DHX15: variants seen among roughly 807,000 people sequenced by gnomAD.
The protein encoded by DHX15 is ATP-dependent RNA helicase DHX15.
In DHX15, 11 loss-of-function variants were observed where a neutral mutation model predicts 94.4. The ratio of observed to expected loss-of-function variants is 0.12; its 90% confidence interval spans 0.07 to 0.19. The LOEUF (loss-of-function observed/expected upper bound fraction) is 0.19. Ranked by LOEUF, DHX15 falls within the 10% of genes least tolerant of loss-of-function variation. The pLI is 1.00. For missense variants in DHX15, 304 were observed against 988.5 expected (o/e 0.31, Z 9.29); for synonymous variants, 338 against 329.9 (o/e 1.02, Z -0.27).
At chr4:24,583,306 TAAGGA>T (rs988073862) in intron 1 of DHX15, among the ~76,000 whole-genome samples, 6 of 152,182 alleles carry the variant, frequency 3.9e-5, no homozygotes, top group African/African-American at 1.2e-4. Flanking sequence ...TCTGTACCTT[TAAGGA>T]AAGGAATCTG....
intron 1 of DHX15, among the ~76,000 whole-genome samples, chr4:24,582,992 G>A (rs1418806865): frequency 6.6e-6 from 1 of 152,056 alleles, no homozygotes; most frequent in Admixed American, 6.5e-5. Flanking sequence ...ATATGGCAAA[G>A]CCTCAAAAAG....
chr4:24,576,555 T>C lies in DHX15; in HGVS notation c.195A>G (p.Thr65=), dbSNP rs745729038. 8 of 1,614,178 alleles carry C rather than the reference T, an allele frequency of 5.0e-6. No homozygotes were observed. In the South Asian group the frequency reaches 8.8e-5, roughly 18 times the overall value. ...ATCCAGCACTGATAAGCATAGCATT[T>C]GTTGAAGCTCGCAACTCCTTCTCCT... The part of the protein sequence containing the change: ...KEKEKELRAS[T]NAMLISAGLP... The change falls in exon 2 of 14, where the codon ACA becomes ACG. Residue 65 remains threonine, a synonymous_variant. Coordinates refer to ENST00000336812, the MANE Select transcript of DHX15 (RefSeq NM_001358.3).
At chr4:24,564,066 C>CA (rs56255704) in intron 3 of DHX15, among the ~76,000 whole-genome samples, 20 of 74,706 alleles carry the variant, frequency 2.7e-4, no homozygotes, top group African/African-American at 9.0e-4. Flanking sequence ...GACTCCGTCT[C>CA]AAAAAAAAAA....
intron 5 of DHX15, among the ~76,000 whole-genome samples, chr4:24,551,654 T>G (rs1721607471): frequency 6.6e-6 from 1 of 152,196 alleles, no homozygotes; most frequent in African/African-American, 2.4e-5. Flanking sequence ...TTTCAAATGT[T>G]GTATCTAGAT....
chr4:24,576,188 C>T lies in DHX15; in HGVS notation c.507+55G>A, dbSNP rs1276795894. On this transcript the variant is annotated intron_variant, in intron 2 of 13. Coordinates refer to ENST00000336812, the MANE Select transcript of DHX15 (RefSeq NM_001358.3). ...ATGACCACCAGAATCAAATATGCAA[C>T]ATTTGGTAAACTTAAACATAAATGA... 2.8e-5 allele frequency: 40 copies of T among 1,413,240 alleles called. No individual in the cohort carries two copies. In the East Asian group the frequency reaches 8.0e-4, roughly 28 times the overall value. 87.5% of individuals were successfully genotyped at this position (1,413,240 alleles called of 1,614,324 possible). A position where few individuals can be genotyped will look rare whatever the true frequency, so the allele number is the denominator to read the frequency against.
intron 5 of DHX15, among the ~76,000 whole-genome samples, chr4:24,552,900 T>A (rs1560768040): frequency 6.6e-6 from 1 of 152,202 alleles, no homozygotes; most frequent in African/African-American, 2.4e-5. Flanking sequence ...TCACAGAAAA[T>A]ACCGCACAAA....
At chr4:24,562,423 C>T (rs1273885271) in intron 3 of DHX15, among the ~76,000 whole-genome samples, 1 of 152,130 alleles carries the variant, frequency 6.6e-6, no homozygotes, top group East Asian at 1.9e-4. Flanking sequence ...TACATACTTG[C>T]TGCAAGACAA....
At chr4:24,538,066 A>T (rs1432120311) in intron 10 of DHX15, 1 of 152,228 alleles carries the variant, frequency 6.6e-6, no homozygotes, top group African/African-American at 2.4e-5. Context: ...TTAAATTGTT[A>T]CAAAGCATGT....
chr4:24,584,306 C>A lies in DHX15; in HGVS notation c.71+17G>T, dbSNP rs1356339357. 1.4e-5 allele frequency: 22 copies of A among 1,607,516 alleles called. No individual in the cohort carries two copies. Among genetic ancestry groups the A allele is most frequent in the Non-Finnish European group, 1.9e-5 (22 of 1,178,004 alleles). ...ACAAAGCCCGAGCTGCCGCCTCGCGCCCCCGGCCTGGCTTACCCATCGGTC... is the reference window on the plus strand; with the variant it reads ...ACAAAGCCCGAGCTGCCGCCTCGCGACCCCGGCCTGGCTTACCCATCGGTC... On this transcript the variant is annotated intron_variant, in intron 1 of 13. Coordinates refer to ENST00000336812, the MANE Select transcript of DHX15 (RefSeq NM_001358.3).
chr4:24,539,515 C>T (rs763874081), intron 10 of DHX15, among the ~76,000 whole-genome samples: 8 of 151,990 alleles, frequency 5.3e-5, no homozygotes, highest in South Asian at 4.1e-4. Context: ...ACAAAATTAG[C>T]GATTTTATAT....
chr4:24,574,040 A>AT (rs1722182070), intron 2 of DHX15, among the ~76,000 whole-genome samples: 1 of 105,904 alleles, frequency 9.4e-6, no homozygotes, highest in Non-Finnish European at 2.1e-5. Context: ...TATTAAAAAT[A>AT]CAAAAAAAAA....
At chr4:24,584,114 G>A (rs1329340894) in intron 1 of DHX15, 11 of 579,756 alleles carry the variant, frequency 1.9e-5, no homozygotes, top group African/African-American at 4.0e-5. Context: ...GGACTGGGCT[G>A]GGCAGCGGCC....
intron 5 of DHX15, among the ~76,000 whole-genome samples, chr4:24,549,261 C>G (rs1280642941): frequency 6.6e-6 from 1 of 152,172 alleles, no homozygotes; most frequent in Non-Finnish European, 1.5e-5. Flanking sequence ...GCATTCCACA[C>G]CCCTTTTCTT....
At position 24,537,030 on chromosome 4, in the gene DHX15, T is replaced by C. The variant is rs1343554592; in HGVS notation, c.1909+21A>G. 2 of 1,609,370 alleles carry C rather than the reference T, an allele frequency of 1.2e-6. No homozygotes were observed. The highest frequency in any genetic ancestry group is 1.7e-5 in the Admixed American group (1 of 59,686). On this transcript the variant is annotated intron_variant, in intron 11 of 13. Transcript: ENST00000336812. This position sits in a 1 kb window ranked among gnomAD's most constrained non-coding sequence, Gnocchi z 4.7. ...CAAGTGACATTTAGACAAGAGTGTCTCCAATCAAATTTACACTTACTTTGT... is the reference window on the plus strand; with the variant it reads ...CAAGTGACATTTAGACAAGAGTGTCCCCAATCAAATTTACACTTACTTTGT...
chr4:24,558,368 T>C (rs1466119315), intron 3 of DHX15, among the ~76,000 whole-genome samples: 1 of 152,166 alleles, frequency 6.6e-6, no homozygotes, highest in Non-Finnish European at 1.5e-5. Flanking sequence ...AAAACTAGTT[T>C]TAAAAGTCAC....
At chr4:24,555,006 T>C (rs1721697053) in intron 4 of DHX15, 63 bp from the exon 5 acceptor site, 11 of 1,291,756 alleles carry the variant, frequency 8.5e-6, no homozygotes, top group Non-Finnish European at 1.0e-5. Context: ...TCTTACAGTA[T>C]AGCAATATTT....
chr4:24,530,649 AG>A (rs1241631913), intron 12 of DHX15: 1 of 151,668 alleles, frequency 6.6e-6, no homozygotes, highest in African/African-American at 2.4e-5. Context: ...GAAAAGAAAA[AG>A]GTAACCTACA....
At position 24,576,364 on chromosome 4, in the gene DHX15, T is replaced by G; in HGVS notation, c.386A>C (p.Asp129Ala). ...TNLPHTPRYY[D>A]ILKKRLQLPV... ...GAGCTGAAGACGTTTCTTTAGAATA[T>G]CATAGTATCGAGGAGTATGGGGTAA... Residue 129 changes from aspartate (D) to alanine (A), a missense_variant, in exon 2 of 14, where the codon GAT becomes GCT. Around this residue, in one of 9 missense-constraint regions of DHX15, gnomAD observed 143 missense variants for 200.5 expected, o/e 0.71. Coordinates refer to ENST00000336812, the MANE Select transcript of DHX15 (RefSeq NM_001358.3). 6.2e-7 allele frequency: 1 copy of G among 1,614,216 alleles called. No homozygotes were observed. The highest frequency in any genetic ancestry group is 8.5e-7 in the Non-Finnish European group (1 of 1,180,046).
intron 6 of DHX15, among the ~76,000 whole-genome samples, chr4:24,547,927 A>ATATCTATATATCTATATATATATATATC (rs1560765863): frequency 3.4e-4 from 35 of 102,954 alleles, no homozygotes; most frequent in African/African-American, 1.3e-3. Context: ...ATATATATAT[A>ATATCTATATATCTATATATATATATATC]TATATATATA....
Sources: gnomAD v4.1 joint callset for allele counts (sites outside exome capture counted in the v4.1 genomes callset) on GRCh38, gnomAD v4.1.1 for gene constraint, gnomAD v4.1.1 regional missense constraint, Gnocchi (gnomAD v3.1) non-coding constraint, MANE v1.5 for transcripts, NCBI Gene and HGNC (gene_info 2026-07-23, HGNC 2026-07-21) for gene names.